The following MED26 variants were observed in gnomAD, a reference collection of about 807,000 sequenced individuals.
MED26 encodes the protein mediator complex subunit 26.
A neutral mutation model predicts 43.7 loss-of-function variants in MED26; 7 were observed. The observed-to-expected ratio is 0.16, with a 90% CI of 0.09 to 0.30. MED26 has a LOEUF of 0.30. MED26 is among the 10% of genes least tolerant of loss of function. MED26 has a pLI of 1.00. For missense variants in MED26, 784 were observed against 840.6 expected (o/e 0.93, Z 0.83); for synonymous variants, 375 against 371.1 (o/e 1.01, Z -0.12).
chr19:16,598,564 T>C (rs986212845), intron 1 of MED26, among the ~76,000 whole-genome samples: 2 of 152,090 alleles, frequency 1.3e-5, no homozygotes, highest in African/African-American at 4.8e-5. Context: ...CATCCAGTAC[T>C]GTTCCCTCCC....
At position 16,577,869 on chromosome 19, in the gene MED26, C is replaced by A. The variant is rs2086020583; in HGVS notation, c.148-187G>T. 2 of 543,794 alleles carry A rather than the reference C, an allele frequency of 3.7e-6. No homozygotes were observed. The highest frequency in any genetic ancestry group is 5.4e-5 in the South Asian group (2 of 36,976). 33.7% of individuals were successfully genotyped at this position (543,794 alleles called of 1,614,324 possible). A position where few individuals can be genotyped will look rare whatever the true frequency, so the allele number is the denominator to read the frequency against. On this transcript the variant is annotated intron_variant, in intron 2 of 2. Coordinates refer to ENST00000263390, the MANE Select transcript of MED26 (RefSeq NM_004831.5). The surrounding 1 kb of genome is among the most constrained non-coding windows in gnomAD (Gnocchi z 8.1). The stretch of plus-strand genomic sequence containing the variant: ...CTTTGTGACAATATAAATTCTCAAA[C>A]CTAGTTCCCAGACCTTCAGGGTCCC...
At position 16,576,898 on chromosome 19, in the gene MED26, T is replaced by C. The variant is rs749000506; in HGVS notation, c.932A>G (p.Gln311Arg). 9.3e-6 allele frequency: 15 copies of C among 1,604,810 alleles called. No homozygotes were observed. Among genetic ancestry groups the C allele is most frequent in the Non-Finnish European group, 1.3e-5 (15 of 1,175,026 alleles). ...SPRPQALDATQVPSPLPLAQP... is the reference protein window; with the variant it reads ...SPRPQALDATRVPSPLPLAQP... ...TGCCAGTGGAAGCGGTGACGGCACC[T>C]GTGTGGCATCGAGTGCCTGGGGCCG... Residue 311 changes from glutamine (Q) to arginine (R), a missense_variant, in exon 3 of 3, where the codon CAG becomes CGG. Gln to Arg is a conservative substitution (Grantham distance 43). Coordinates refer to ENST00000263390, the MANE Select transcript of MED26 (RefSeq NM_004831.5). This position sits in a 1 kb window ranked among gnomAD's most constrained non-coding sequence, Gnocchi z 6.8.
chr19:16,613,661 C>T (rs1485683857), intron 1 of MED26, among the ~76,000 whole-genome samples: 1 of 152,204 alleles, frequency 6.6e-6, no homozygotes, highest in Non-Finnish European at 1.5e-5. Context: ...GCAGTGCCAG[C>T]GACCTAACCT....
At chr19:16,605,756 G>A (rs895377797) in intron 1 of MED26, among the ~76,000 whole-genome samples, 7 of 152,230 alleles carry the variant, frequency 4.6e-5, no homozygotes, top group Admixed American at 1.3e-4. Flanking sequence ...GCTGGGCAAG[G>A]AGGGGACTGA....
At chr19:16,618,165 C>T (rs1031115902) in intron 1 of MED26, among the ~76,000 whole-genome samples, 3 of 152,290 alleles carry the variant, frequency 2.0e-5, no homozygotes, top group South Asian at 2.1e-4. Context: ...ATCTCCCAGC[C>T]TCTGCCCAGG....
chr19:16,626,280 C>T (rs150459824), intron 1 of MED26, among the ~76,000 whole-genome samples: 11 of 152,260 alleles, frequency 7.2e-5, no homozygotes, highest in Non-Finnish European at 1.5e-4. Flanking sequence ...AATTACCTTC[C>T]GGCTCCACAA....
In MED26 at chr19:16,577,436, C is replaced by A. The variant is rs780281216; in HGVS notation, c.394G>T (p.Asp132Tyr). ...CGCTGCCCGGGCAGCCTCTGGAGGTCATTGCGGCTCTTCAGGTCATGGATG... is the reference window on the plus strand; with the variant it reads ...CGCTGCCCGGGCAGCCTCTGGAGGTAATTGCGGCTCTTCAGGTCATGGATG... ...RSIHDLKSRN[D>Y]LQRLPGQRLD... The change falls in exon 3 of 3, where the codon GAC becomes TAC. Residue 132 changes from aspartate to tyrosine, a missense_variant. Transcript: ENST00000263390. This position sits in a 1 kb window ranked among gnomAD's most constrained non-coding sequence, Gnocchi z 8.1. 1.9e-6 allele frequency: 3 copies of A among 1,595,216 alleles called. No individual in the cohort carries two copies. The highest frequency in any genetic ancestry group is 4.5e-5 in the East Asian group (2 of 44,372).
intron 1 of MED26, among the ~76,000 whole-genome samples, chr19:16,604,308 T>C (rs2086162579): frequency 6.6e-6 from 1 of 152,192 alleles, no homozygotes; most frequent in Non-Finnish European, 1.5e-5. Flanking sequence ...GAAAATGGAC[T>C]CTACACTAGT....
At chr19:16,609,305 C>A (rs2086188224) in intron 1 of MED26, among the ~76,000 whole-genome samples, 2 of 114,898 alleles carry the variant, frequency 1.7e-5, no homozygotes, top group Non-Finnish European at 3.6e-5. Context: ...GAGCGAGACT[C>A]CGTCTCAAAA....
At chr19:16,604,844 C>A (rs1321846063) in intron 1 of MED26, among the ~76,000 whole-genome samples, 1 of 152,234 alleles carries the variant, frequency 6.6e-6, no homozygotes, top group African/African-American at 2.4e-5. Context: ...GACACAAGCC[C>A]ACACAACTAG....
chr19:16,592,949 C>T (rs1051397883), intron 1 of MED26, among the ~76,000 whole-genome samples: 2 of 152,238 alleles, frequency 1.3e-5, no homozygotes, highest in African/African-American at 2.4e-5. Context: ...AGTTGCACCA[C>T]CACCCCCAAC....
intron 1 of MED26, among the ~76,000 whole-genome samples, chr19:16,618,837 G>A (rs1477755044): frequency 6.6e-6 from 1 of 152,250 alleles, no homozygotes; most frequent in East Asian, 1.9e-4. Flanking sequence ...AAAGCTCAGA[G>A]AAGGCATAAG....
At chr19:16,607,974 G>A (rs911302625) in intron 1 of MED26, among the ~76,000 whole-genome samples, 8 of 152,236 alleles carry the variant, frequency 5.3e-5, no homozygotes, top group African/African-American at 1.2e-4. Flanking sequence ...CTGCAAAGGC[G>A]CAGACACCAT....
intron 1 of MED26, among the ~76,000 whole-genome samples, chr19:16,592,773 T>G (rs982558489): frequency 1.3e-5 from 2 of 152,218 alleles, no homozygotes; most frequent in African/African-American, 4.8e-5. Flanking sequence ...TTCTGCGGGC[T>G]GGACCGATGA....
intron 1 of MED26, chr19:16,611,939 C>T (rs114869584): frequency 0.052 from 7,844 of 152,196 alleles, 278 homozygotes; most frequent in Non-Finnish European, 0.063. Flanking sequence ...GGATTACAGG[C>T]GTGAGCCACC....
intron 1 of MED26, among the ~76,000 whole-genome samples, chr19:16,627,532 C>T (rs955385620): frequency 6.6e-6 from 1 of 152,228 alleles, no homozygotes; most frequent in Non-Finnish European, 1.5e-5. Flanking sequence ...CCGGGGGTCT[C>T]GGGTCCCGGA....
At chr19:16,617,044 C>A (rs970512352) in intron 1 of MED26, among the ~76,000 whole-genome samples, 3 of 152,094 alleles carry the variant, frequency 2.0e-5, no homozygotes, top group Non-Finnish European at 4.4e-5. Flanking sequence ...GGGAGCCCAC[C>A]ACCCGACCAG....
At chr19:16,612,336 G>C (rs1599345808) in intron 1 of MED26, 1 of 152,172 alleles carries the variant, frequency 6.6e-6, no homozygotes, top group East Asian at 1.9e-4. Flanking sequence ...CCAAGCTGGA[G>C]TGCAGTAGCG....
At chr19:16,602,531 C>CATTT (rs1240127669) in intron 1 of MED26, among the ~76,000 whole-genome samples, 6 of 152,216 alleles carry the variant, frequency 3.9e-5, no homozygotes, top group Admixed American at 6.5e-5. Flanking sequence ...CGTGGACAGA[C>CATTT]ATTTACACAC....
Sources: allele counts gnomAD v4.1 joint callset (sites outside exome capture counted in the v4.1 genomes callset), GRCh38; gene constraint gnomAD v4.1.1; non-coding constraint Gnocchi (gnomAD v3.1); transcripts MANE v1.5; gene names NCBI Gene and HGNC (gene_info 2026-07-23, HGNC 2026-07-21).